Variants in TFDP2 observed in about 807,000 individuals in gnomAD.
TFDP2 encodes transcription factor Dp-2 (E2F dimerization partner 2).
In TFDP2, 17 loss-of-function variants were observed where a neutral mutation model predicts 59.3. The ratio of observed to expected loss-of-function variants is 0.29; its 90% CI spans 0.20 to 0.43. TFDP2 has a LOEUF of 0.43. Among genes scored for constraint, TFDP2 ranks in the 20% least tolerant of loss-of-function variants. The pLI, the probability that TFDP2 is intolerant of heterozygous loss-of-function variation, is 1.00. For synonymous variants in TFDP2, 180 were observed against 194.7 expected, an observed-to-expected ratio of 0.92 and a Z score of 0.63; for missense variants, 391 against 528.8, an observed-to-expected ratio of 0.74 and a Z score of 2.56.
At chr3:141,968,771 CTCATATATAGATATATATAACACAT>C in intron 9 of TFDP2, among the ~76,000 whole-genome samples, 2 of 65,586 alleles carry the variant, frequency 3.0e-5, no homozygotes, top group Non-Finnish European at 5.6e-5. Flanking sequence ...ACATATATAT[CTCATATATAGATATATATAACACAT>C]ATATATCTCA....
At chr3:142,139,726 C>T (rs897809895) in intron 1 of TFDP2, among the ~76,000 whole-genome samples, 6 of 152,126 alleles carry the variant, frequency 3.9e-5, no homozygotes, top group African/African-American at 1.4e-4. Flanking sequence ...GGGTTTCTGC[C>T]GAGAGATCCG....
intron 3 of TFDP2, among the ~76,000 whole-genome samples, chr3:142,015,423 CCTT>C (rs1314517230): frequency 1.1e-4 from 17 of 152,298 alleles, no homozygotes; most frequent in African/African-American, 4.1e-4. Flanking sequence ...CCAGAAATCT[CCTT>C]CTTCATCTCA....
At chr3:141,982,576 T>C (rs1941608810) in intron 6 of TFDP2, among the ~76,000 whole-genome samples, 1 of 152,178 alleles carries the variant, frequency 6.6e-6, no homozygotes, top group Non-Finnish European at 1.5e-5. Context: ...TTCATCCAAT[T>C]CTTGGTCTTT....
In TFDP2 at chr3:142,149,311, C is replaced by A; in HGVS notation, c.-221G>T. On this transcript the variant is annotated 5_prime_UTR_variant, in exon 1 of 13. Coordinates refer to ENST00000489671, the MANE Select transcript of TFDP2 (RefSeq NM_001178139.2). ...CGGCCGGGTCCCGGTGGACTCACAC[C>A]CGGGGAGACGCGGCCTGCCCGGTCA... 2.5e-6 allele frequency: 1 copy of A among 395,254 alleles called. No homozygotes were observed. 24.5% of individuals were successfully genotyped at this position (395,254 alleles called of 1,614,324 possible). A position where few individuals can be genotyped will look rare whatever the true frequency, so the allele number is the denominator to read the frequency against.
intron 1 of TFDP2, among the ~76,000 whole-genome samples, chr3:142,125,070 G>C (rs1348045773): frequency 1.3e-5 from 2 of 152,030 alleles, no homozygotes; most frequent in African/African-American, 2.4e-5. Flanking sequence ...GCCAATCGTG[G>C]TGGCATGTGC....
chr3:141,969,164 A>ATATATATATCT (rs1939200291), intron 9 of TFDP2, among the ~76,000 whole-genome samples: 1 of 73,082 alleles, frequency 1.4e-5, no homozygotes, highest in African/African-American at 1.0e-4. Context: ...TATATATATA[A>ATATATATATCT]CATATATATA....
intron 3 of TFDP2, among the ~76,000 whole-genome samples, chr3:142,034,918 AGATGGTCCC>A (rs1333487910): frequency 6.6e-6 from 1 of 151,848 alleles, no homozygotes; most frequent in Non-Finnish European, 1.5e-5. Flanking sequence ...GTGTTAACCA[AGATGGTCCC>A]GATCTCCTGA....
intron 3 of TFDP2, among the ~76,000 whole-genome samples, chr3:142,080,004 C>T (rs947002906): frequency 2.6e-4 from 40 of 152,330 alleles, no homozygotes; most frequent in African/African-American, 9.6e-4. Context: ...TGCTCTGTCA[C>T]CCAGGCTGGA....
intron 1 of TFDP2, among the ~76,000 whole-genome samples, chr3:142,108,727 T>G (rs2061557564): frequency 6.6e-6 from 1 of 152,184 alleles, no homozygotes; most frequent in Non-Finnish European, 1.5e-5. Flanking sequence ...CTCAAATCTT[T>G]AATGTTGTCT....
At chr3:142,022,718 T>C (rs952104923) in intron 3 of TFDP2, among the ~76,000 whole-genome samples, 1 of 152,156 alleles carries the variant, frequency 6.6e-6, no homozygotes, top group African/African-American at 2.4e-5. Context: ...TCCGAGAGGG[T>C]AGCCAGACAG....
intron 4 of TFDP2, among the ~76,000 whole-genome samples, chr3:141,998,024 A>G (rs1429376232): frequency 6.6e-6 from 1 of 151,686 alleles, no homozygotes; most frequent in Non-Finnish European, 1.5e-5. Flanking sequence ...CTGATCGGAG[A>G]GTGATTAGCA....
chr3:142,033,453 T>C lies in TFDP2; in HGVS notation c.83-27909A>G, dbSNP rs1014410126. Among the ~76,000 whole-genome samples the C allele has an allele frequency of 6.6e-5, 10 of 152,168 alleles. 1 individual carries two copies. On this transcript the variant is annotated intron_variant, in intron 3 of 12. Coordinates refer to ENST00000489671, the MANE Select transcript of TFDP2 (RefSeq NM_001178139.2). ...CAATCTACCTGTGTTAACGTTATCT[T>C]CTACCAAAACCCCTATGCATGCTTT...
intron 3 of TFDP2, among the ~76,000 whole-genome samples, chr3:142,077,993 G>A (rs557540137): frequency 6.6e-6 from 1 of 152,286 alleles, no homozygotes; most frequent in Admixed American, 6.5e-5. Context: ...TTCACCACAA[G>A]CTGACTGAAG....
intron 3 of TFDP2, among the ~76,000 whole-genome samples, chr3:142,053,658 CT>C (rs1386840357): frequency 6.6e-6 from 1 of 152,062 alleles, no homozygotes; most frequent in East Asian, 1.9e-4. Flanking sequence ...CATGAGCTTT[CT>C]AATCTGGATT....
intron 3 of TFDP2, among the ~76,000 whole-genome samples, chr3:142,052,776 G>A (rs1947702927): frequency 6.6e-6 from 1 of 151,944 alleles, no homozygotes; most frequent in Non-Finnish European, 1.5e-5. Context: ...CCAAGTAGCT[G>A]GAACTACCCT....
At chr3:142,106,211 G>A (rs2061468059) in intron 1 of TFDP2, among the ~76,000 whole-genome samples, 1 of 152,032 alleles carries the variant, frequency 6.6e-6, no homozygotes, top group Non-Finnish European at 1.5e-5. Context: ...CTATGTGCAT[G>A]GCACTATCTC....
At chr3:142,007,212 T>C (rs1275683791) in intron 3 of TFDP2, among the ~76,000 whole-genome samples, 3 of 152,118 alleles carry the variant, frequency 2.0e-5, no homozygotes, top group African/African-American at 7.3e-5. Flanking sequence ...TTTGGCATTA[T>C]AGAGTTAATT....
chr3:142,002,740 A>G (rs938166158), intron 4 of TFDP2, among the ~76,000 whole-genome samples: 3 of 152,074 alleles, frequency 2.0e-5, no homozygotes, highest in African/African-American at 7.2e-5. Flanking sequence ...CCAGTTCCAA[A>G]GCCACTTCTA....
chr3:141,993,666 CTA>C (rs1943004273), intron 5 of TFDP2, 81 bp from the exon 6 acceptor site: 1 of 791,736 alleles, frequency 1.3e-6, no homozygotes, highest in East Asian at 3.0e-5. Context: ...TATAACTTGT[CTA>C]AAATTATACA....
Sources: allele counts gnomAD v4.1 joint callset (sites outside exome capture counted in the v4.1 genomes callset), GRCh38; gene constraint gnomAD v4.1.1; transcripts MANE v1.5; gene names NCBI Gene and HGNC (gene_info 2026-07-23, HGNC 2026-07-21).